The following PRKG1 variants were observed in gnomAD, a reference collection of about 807,000 sequenced individuals.
PRKG1 encodes the protein cGMP-dependent protein kinase 1.
A neutral mutation model predicts 88.1 loss-of-function variants in PRKG1; 35 were observed. The observed-to-expected ratio is 0.40, with a 90% CI of 0.30 to 0.53. The LOEUF (loss-of-function observed/expected upper bound fraction) is 0.53, where lower values mean the gene tolerates loss of function less well. Ranked by LOEUF, PRKG1 falls within the 20% of genes least tolerant of loss-of-function variation. PRKG1 has a pLI of 0.59. For missense variants in PRKG1, 540 were observed against 839.8 expected (o/e 0.64, Z 4.41); for synonymous variants, 303 against 292.5 (o/e 1.04, Z -0.37).
chr10:51,267,422 G>A (rs1839864322), intron 2 of PRKG1, among the ~76,000 whole-genome samples: 2 of 152,074 alleles, frequency 1.3e-5, no homozygotes, highest in African/African-American at 4.8e-5. Context: ...AATATTAGGT[G>A]TCTTTCAGTT....
At chr10:51,231,389 C>T (rs1227613522) in intron 2 of PRKG1, among the ~76,000 whole-genome samples, 4 of 152,080 alleles carry the variant, frequency 2.6e-5, no homozygotes, top group Non-Finnish European at 5.9e-5. Flanking sequence ...GTGTATATTG[C>T]CATGTCAGAG....
intron 5 of PRKG1, among the ~76,000 whole-genome samples, chr10:51,942,438 C>A (rs1325520701): frequency 6.6e-6 from 1 of 150,622 alleles, no homozygotes; most frequent in East Asian, 2.0e-4. Flanking sequence ...TTTTGCTGTG[C>A]AGAAGCTCTT....
intron 3 of PRKG1, among the ~76,000 whole-genome samples, chr10:51,754,980 T>C (rs1837819857): frequency 6.7e-6 from 1 of 148,256 alleles, no homozygotes; most frequent in South Asian, 2.1e-4. Flanking sequence ...CCTTCTCAAT[T>C]ATGCTTTGGA....
At chr10:51,798,440 A>G (rs1314033100) in intron 3 of PRKG1, among the ~76,000 whole-genome samples, 3 of 152,046 alleles carry the variant, frequency 2.0e-5, no homozygotes, top group Admixed American at 6.6e-5. Flanking sequence ...TATTGGTCAT[A>G]TACATTTATC....
chr10:51,830,353 T>C (rs939428973), intron 4 of PRKG1, among the ~76,000 whole-genome samples: 6 of 152,084 alleles, frequency 3.9e-5, no homozygotes, highest in African/African-American at 1.4e-4. Context: ...TTATCCAGAG[T>C]ACATAATTTT....
intron 3 of PRKG1, among the ~76,000 whole-genome samples, chr10:51,605,678 G>A (rs1471817060): frequency 6.6e-6 from 1 of 152,156 alleles, no homozygotes; most frequent in African/African-American, 2.4e-5. Context: ...AATAGAGCCG[G>A]CCTTTGGTAA....
intron 3 of PRKG1, among the ~76,000 whole-genome samples, chr10:51,740,400 T>C (rs1204530383): frequency 6.6e-6 from 1 of 152,220 alleles, no homozygotes; most frequent in Non-Finnish European, 1.5e-5. Flanking sequence ...ATGATAATTA[T>C]AAGATTTTTT....
chr10:51,183,279 G>A (rs369334897), intron 2 of PRKG1, among the ~76,000 whole-genome samples: 81 of 152,164 alleles, frequency 5.3e-4, no homozygotes, highest in Non-Finnish European at 9.6e-4. Context: ...GATAAACAGC[G>A]CAAAAAGGGA....
At chr10:52,220,353 A>T (rs557416956) in intron 9 of PRKG1, among the ~76,000 whole-genome samples, 1 of 152,188 alleles carries the variant, frequency 6.6e-6, no homozygotes, top group Admixed American at 6.6e-5. Context: ...TGTGAGTGGG[A>T]CATCTTGGAA....
intron 7 of PRKG1, among the ~76,000 whole-genome samples, chr10:52,122,238 C>T (rs1371211320): frequency 6.6e-6 from 1 of 152,158 alleles, no homozygotes; most frequent in Non-Finnish European, 1.5e-5. Context: ...TACAAACTCA[C>T]ACTTTCAATA....
chr10:51,114,139 G>A (rs764969728), intron 1 of PRKG1, among the ~76,000 whole-genome samples: 97 of 152,052 alleles, frequency 6.4e-4, no homozygotes, highest in African/African-American at 1.1e-3. Context: ...GTCTTTCAAC[G>A]TGAAGATTAT....
chr10:51,970,001 T>TACACAC lies in PRKG1; in HGVS notation c.762+62476_762+62481dup, dbSNP rs35117709. ...TTGCTTTATTTGCCCATTCTCTTCA[T>TACACAC]ACACACACACACACACACACACACA... On this transcript the variant is annotated intron_variant, in intron 5 of 17. Coordinates refer to ENST00000373980, the MANE Select transcript of PRKG1 (RefSeq NM_006258.4). 7.0e-3 allele frequency among the ~76,000 whole-genome samples: 1,006 copies of TACACAC among 144,540 alleles called. 7 individuals carry two copies. The highest frequency in any genetic ancestry group is 0.017 in the Middle Eastern group (5 of 288). 94.8% of individuals were successfully genotyped at this position (144,540 alleles called of 152,430 possible).
chr10:51,787,052 T>C (rs1034577344), intron 3 of PRKG1, among the ~76,000 whole-genome samples: 2 of 152,168 alleles, frequency 1.3e-5, no homozygotes, highest in African/African-American at 4.8e-5. Context: ...TTATGTGATA[T>C]GAATTGGGAA....
chr10:51,082,148 G>A (rs1844127609), intron 1 of PRKG1, among the ~76,000 whole-genome samples: 1 of 152,102 alleles, frequency 6.6e-6, no homozygotes, highest in South Asian at 2.1e-4. Context: ...GAACTCTGGG[G>A]CGCAGAGAAG....
intron 3 of PRKG1, among the ~76,000 whole-genome samples, chr10:51,496,784 T>A: frequency 6.6e-6 from 1 of 152,192 alleles, no homozygotes; most frequent in African/African-American, 2.4e-5. Flanking sequence ...TTTGGGTTAG[T>A]AAAACCCTGT....
chr10:52,206,217 C>T (rs1342876980), intron 9 of PRKG1, among the ~76,000 whole-genome samples: 1 of 152,018 alleles, frequency 6.6e-6, no homozygotes, highest in Non-Finnish European at 1.5e-5. Flanking sequence ...TATTTGTTAT[C>T]GCATTATGAA....
chr10:51,125,820 A>G (rs924714795), intron 1 of PRKG1, among the ~76,000 whole-genome samples: 2 of 143,338 alleles, frequency 1.4e-5, no homozygotes, highest in South Asian at 2.1e-4. Context: ...TTTAAAAATT[A>G]TAAATATGTA....
intron 6 of PRKG1, among the ~76,000 whole-genome samples, chr10:52,056,447 C>T (rs1589564432): frequency 1.3e-5 from 2 of 152,266 alleles, no homozygotes; most frequent in East Asian, 3.9e-4. Flanking sequence ...ATTTTACTGC[C>T]TAAAAGTAAT....
In PRKG1 at chr10:51,465,134, G is replaced by A. The variant is rs574040788; in HGVS notation, c.479-2589G>A. Among the ~76,000 whole-genome samples the A allele has an allele frequency of 5.3e-5, 8 of 152,174 alleles. No homozygotes were observed. The South Asian group carries it at 1.7e-3, about 32-fold the overall frequency. ...AGTATGGTGGTCGTGGCAGTGAAGGGATATTCACTCTTTCCTATGGGGCGA... is the reference window on the plus strand; with the variant it reads ...AGTATGGTGGTCGTGGCAGTGAAGGAATATTCACTCTTTCCTATGGGGCGA... On this transcript the variant is annotated intron_variant, in intron 2 of 17. Coordinates refer to ENST00000373980, the MANE Select transcript of PRKG1 (RefSeq NM_006258.4).
Sources: gnomAD v4.1 joint callset for allele counts (sites outside exome capture counted in the v4.1 genomes callset) on GRCh38, gnomAD v4.1.1 for gene constraint, MANE v1.5 for transcripts, NCBI Gene and HGNC (gene_info 2026-07-23, HGNC 2026-07-21) for gene names.